Variants in FRYL observed in about 807,000 individuals in gnomAD.
FRYL encodes FRY like transcription coactivator, also known as protein furry homolog-like.
A neutral mutation model predicts 351.2 loss-of-function variants in FRYL; 150 were observed. The observed-to-expected ratio is 0.43, with a 90% CI of 0.37 to 0.49. The LOEUF (loss-of-function observed/expected upper bound fraction) is 0.49. Ranked by LOEUF, FRYL falls within the 20% of genes least tolerant of loss-of-function variation. The probability of loss-of-function intolerance (pLI) is 0.00; values close to 1 mark genes in which losing one functional copy is unlikely to be tolerated. For missense variants in FRYL, 3,036 were observed against 3,619.3 expected (o/e 0.84, Z 4.13); for synonymous variants, 1,153 against 1,257.1 (o/e 0.92, Z 1.75).
intron 17 of FRYL, 131 bp downstream of exon 17, chr4:48,590,528 C>A: frequency 1.7e-6 from 1 of 574,614 alleles, no homozygotes; most frequent in Non-Finnish European, 2.8e-6. Context: ...CAGAAGTATT[C>A]ATTTTGTATG....
intron 16 of FRYL, 103 bp from the exon 17 acceptor site, chr4:48,590,933 G>T: frequency 1.2e-6 from 1 of 814,390 alleles, no homozygotes; most frequent in Non-Finnish European, 1.9e-6. Flanking sequence ...GGGGGTGGAA[G>T]GAAGGAAGAT....
intron 13 of FRYL, among the ~76,000 whole-genome samples, chr4:48,597,727 A>G (rs1031687109): frequency 6.6e-6 from 1 of 152,224 alleles, no homozygotes. Context: ...CTGTTCTCAT[A>G]TGAATGATTA....
chr4:48,590,937 G>A, intron 16 of FRYL, 107 bp from the exon 17 acceptor site: 3 of 757,826 alleles, frequency 4.0e-6, no homozygotes, highest in East Asian at 2.7e-5. Context: ...GTGGAAGGAA[G>A]GAAGATAGAA....
chr4:48,595,521 G>T, intron 15 of FRYL, 69 bp downstream of exon 15: 1 of 836,746 alleles, frequency 1.2e-6, no homozygotes, highest in South Asian at 2.2e-5. Context: ...AAATTTCAAA[G>T]CTCCAAGTGA....
intron 48 of FRYL, among the ~76,000 whole-genome samples, chr4:48,534,959 G>A (rs1728541297): frequency 6.6e-6 from 1 of 152,090 alleles, no homozygotes; most frequent in South Asian, 2.1e-4. Flanking sequence ...ATTATAAACT[G>A]ACAAACATTT....
rs963461006 is a variant in FRYL, at chr4:48,538,069, G to T, written c.6393+1902C>A. The stretch of plus-strand genomic sequence containing the variant: ...GTTATTTTAATAAATTTTGTATTAC[G>T]ATTAGACTTTATTAATGCAAATACA... On this transcript the variant is annotated intron_variant, in intron 47 of 63. Transcript: ENST00000358350. Among the ~76,000 whole-genome samples, 6 of 152,080 alleles carry T rather than the reference G, an allele frequency of 3.9e-5. No individual in the cohort carries two copies. In the East Asian group the frequency reaches 1.2e-3, roughly 29 times the overall value.
intron 53 of FRYL, among the ~76,000 whole-genome samples, chr4:48,525,386 C>T (rs1725880553): frequency 6.6e-6 from 1 of 152,090 alleles, no homozygotes; most frequent in South Asian, 2.1e-4. Flanking sequence ...CCTAAACTGA[C>T]ATGAAGGCAT....
intron 1 of FRYL, among the ~76,000 whole-genome samples, chr4:48,759,471 T>G (rs1339467040): frequency 6.6e-6 from 1 of 152,180 alleles, no homozygotes; most frequent in Non-Finnish European, 1.5e-5. Flanking sequence ...CAGCACACAT[T>G]TATTATCTTA....
At chr4:48,570,094 G>A (rs1455015501) in intron 27 of FRYL, among the ~76,000 whole-genome samples, 3 of 152,166 alleles carry the variant, frequency 2.0e-5, no homozygotes, top group South Asian at 2.1e-4. Context: ...GATTACAGGC[G>A]TGAGCCACTG....
At chr4:48,628,915 A>G (rs997822187) in intron 4 of FRYL, among the ~76,000 whole-genome samples, 1 of 151,792 alleles carries the variant, frequency 6.6e-6, no homozygotes, top group African/African-American at 2.4e-5. Context: ...CTGGTAGACT[A>G]AAAACTGTTG....
chr4:48,571,230 C>G (rs1275387633), intron 26 of FRYL, among the ~76,000 whole-genome samples: 1 of 152,106 alleles, frequency 6.6e-6, no homozygotes, highest in Non-Finnish European at 1.5e-5. Context: ...AAACTGTTAT[C>G]ATGGAATTAT....
chr4:48,525,950 A>C (rs1726096985), intron 53 of FRYL, among the ~76,000 whole-genome samples: 1 of 151,842 alleles, frequency 6.6e-6, no homozygotes, highest in Non-Finnish European at 1.5e-5. Flanking sequence ...TGTACATGAG[A>C]GTTGATGAAT....
chr4:48,560,486 C>G (rs7690681), intron 33 of FRYL, among the ~76,000 whole-genome samples: 143,624 of 152,254 alleles, frequency 0.94, 67,875 homozygotes, highest in South Asian at 0.98. Flanking sequence ...TGTACCAGCA[C>G]ACATCCTAGG....
intron 3 of FRYL, among the ~76,000 whole-genome samples, chr4:48,654,433 T>C (rs772898519): frequency 9.9e-5 from 15 of 152,048 alleles, no homozygotes; most frequent in Non-Finnish European, 1.9e-4. Flanking sequence ...TAAGCAGTGA[T>C]TTTCTCAGCA....
chr4:48,516,648 G>A (rs986901666), intron 55 of FRYL, among the ~76,000 whole-genome samples: 16 of 152,326 alleles, frequency 1.1e-4, no homozygotes, highest in East Asian at 7.7e-4. Context: ...TTATTCATAT[G>A]TAAAACTCAT....
rs749250872 is a variant in FRYL at position 48,687,776 on chromosome 4, G to A, written c.-203-2981C>T. On this transcript the variant is annotated intron_variant, in intron 2 of 63. Coordinates refer to ENST00000358350, the MANE Select transcript of FRYL (RefSeq NM_015030.2). The stretch of plus-strand genomic sequence containing the variant: ...TTCAGAGATGTTCAATATAGTATTC[G>A]CAATACTTGTCTGTATGCCGGGAAT... Among the ~76,000 whole-genome samples, 3 of 152,160 alleles carry A rather than the reference G, an allele frequency of 2.0e-5. No individual in the cohort carries two copies. The East Asian group carries it at 5.8e-4, about 29-fold the overall frequency.
intron 3 of FRYL, among the ~76,000 whole-genome samples, chr4:48,658,613 G>T (rs1308379971): frequency 2.0e-5 from 3 of 150,254 alleles, no homozygotes; most frequent in Admixed American, 2.0e-4. Flanking sequence ...AAATTGCCAG[G>T]TGTGGTGGCA....
At chr4:48,666,334 T>A (rs781623437) in intron 3 of FRYL, among the ~76,000 whole-genome samples, 3 of 151,870 alleles carry the variant, frequency 2.0e-5, no homozygotes, top group Non-Finnish European at 4.4e-5. Flanking sequence ...GCCACTGCAC[T>A]CCAGCCTGGG....
At chr4:48,565,081 T>A (rs1264935850) in intron 29 of FRYL, 38 bp from the exon 30 acceptor site, 1 of 1,218,362 alleles carries the variant, frequency 8.2e-7, no homozygotes, top group East Asian at 2.6e-5. Flanking sequence ...TTAACAAATT[T>A]AAGAGGTTAA....
Sources: allele counts gnomAD v4.1 joint callset (sites outside exome capture counted in the v4.1 genomes callset), GRCh38; gene constraint gnomAD v4.1.1; transcripts MANE v1.5; gene names NCBI Gene and HGNC (gene_info 2026-07-23, HGNC 2026-07-21).